RBFOX3: variants seen among roughly 807,000 people sequenced by gnomAD.
The protein encoded by RBFOX3 is RNA binding protein fox-1 homolog 3.
Under a neutral mutation model 48.7 loss-of-function variants are expected in RBFOX3, and 17 were observed. The ratio of observed to expected loss-of-function variants is 0.35; its 90% CI spans 0.24 to 0.52. RBFOX3 has a LOEUF of 0.52. Among genes scored for constraint, RBFOX3 ranks in the 20% least tolerant of loss-of-function variants. The pLI is 0.94. For missense variants in RBFOX3, 382 were observed against 497.5 expected, an observed-to-expected ratio of 0.77 and a Z score of 2.21; for synonymous variants, 212 against 209.5, an observed-to-expected ratio of 1.01 and a Z score of -0.10.
At chr17:79,326,072 G>T (rs1174574516) in intron 2 of RBFOX3, among the ~76,000 whole-genome samples, 1 of 152,216 alleles carries the variant, frequency 6.6e-6, no homozygotes, top group Admixed American at 6.5e-5. Context: ...AAAGGCGCAG[G>T]TTAAGAACTA....
chr17:79,476,074 G>A (rs1412287554), intron 2 of RBFOX3, among the ~76,000 whole-genome samples: 2 of 152,218 alleles, frequency 1.3e-5, no homozygotes, highest in African/African-American at 2.4e-5. Flanking sequence ...CTGTGCTCTG[G>A]GGGCCACTGA....
Position 79,115,671 on chromosome 17 carries a change from C to T in RBFOX3, c.45G>A (p.Gln15=). The T allele has an allele frequency of 1.4e-6, 1 of 698,178 alleles. No homozygotes were observed. 43.2% of individuals were successfully genotyped at this position (698,178 alleles called of 1,614,324 possible). The change falls in exon 5 of 15, where the codon CAG becomes CAA. Residue 15 remains glutamine (Q), a synonymous_variant. Coordinates refer to ENST00000693108, the MANE Select transcript of RBFOX3 (RefSeq NM_001350451.2). The part of the protein sequence containing the change: ...YPPAQYPPPP[Q]NGIPAEYAPP... ...GGGCGTACTCGGCAGGGATGCCGTT[C>T]TGTGGCGGAGGGGGGTACTGGGCGG...
At chr17:79,521,521 C>T (rs917442593) in intron 1 of RBFOX3, among the ~76,000 whole-genome samples, 12 of 151,846 alleles carry the variant, frequency 7.9e-5, no homozygotes, top group African/African-American at 1.2e-4. Context: ...CAGACACATA[C>T]GGATACATTG....
At chr17:79,178,130 G>A (rs897641377) in intron 4 of RBFOX3, among the ~76,000 whole-genome samples, 9 of 152,100 alleles carry the variant, frequency 5.9e-5, no homozygotes, top group African/African-American at 1.9e-4. Context: ...CTCCTTCCCC[G>A]CCGCCACGTC....
rs112789713 is a variant in RBFOX3, at chr17:79,357,802, GT to G, written c.-174-49979del. Among the ~76,000 whole-genome samples the G allele has an allele frequency of 5.9e-3, 872 of 147,566 alleles. 5 individuals are homozygous for G. The highest frequency in any genetic ancestry group is 9.6e-3 in the African/African-American group (385 of 40,158). ...AGAAATATTTTGTTACCTCAAGGGT[GT>G]TTTTTTTTTATTTACTGCTTTCCAA... is the stretch of plus-strand genomic sequence containing the variant. On this transcript the variant is annotated intron_variant, in intron 2 of 14. Coordinates refer to ENST00000693108, the MANE Select transcript of RBFOX3 (RefSeq NM_001350451.2).
At chr17:79,094,392 C>T in intron 14 of RBFOX3, 59 bp downstream of exon 14, 2 of 1,318,496 alleles carry the variant, frequency 1.5e-6, no homozygotes, top group South Asian at 1.4e-5. Flanking sequence ...AAGGGCCTCA[C>T]CACCCATGCC....
chr17:79,633,316 GTCA>G, the RBFOX3 span, among the ~76,000 whole-genome samples: 1 of 152,268 alleles, frequency 6.6e-6, no homozygotes, highest in Admixed American at 6.5e-5. Flanking sequence ...CAGAGCCACT[GTCA>G]GTGCCAGCGG....
intron 2 of RBFOX3, among the ~76,000 whole-genome samples, chr17:79,326,571 G>A (rs2079363486): frequency 1.3e-5 from 2 of 152,196 alleles, no homozygotes; most frequent in Admixed American, 1.3e-4. Flanking sequence ...GGAGGTGCCA[G>A]GTTTCCAGCC....
intron 2 of RBFOX3, among the ~76,000 whole-genome samples, chr17:79,346,379 G>A (rs2082927270): frequency 6.6e-6 from 1 of 152,162 alleles, no homozygotes; most frequent in Non-Finnish European, 1.5e-5. Flanking sequence ...CCTTTTGCCA[G>A]TGATTTGAAA....
intron 1 of RBFOX3, among the ~76,000 whole-genome samples, chr17:79,555,491 C>T (rs1358921428): frequency 1.6e-4 from 14 of 88,304 alleles, no homozygotes; most frequent in Middle Eastern, 7.7e-3. Flanking sequence ...GTGGTGATGA[C>T]AGTGGTGGTG....
In RBFOX3 at chr17:79,097,811, C is replaced by G. The variant is rs940574755; in HGVS notation, c.569-66G>C. ...ACCCTTTTCCCACCAAAACGTATGC[C>G]TGGGAACCCCAGCGACACCGGTGGA... On this transcript the variant is annotated intron_variant, in intron 9 of 14. Transcript: ENST00000693108. 1.4e-5 allele frequency: 21 copies of G among 1,497,842 alleles called. No homozygotes were observed. In the African/African-American group the frequency reaches 2.6e-4, roughly 19 times the overall value. The allele number at this position is 1,497,842 out of a possible 1,614,324, so 92.8% of individuals were successfully genotyped here. A position where few individuals can be genotyped will look rare whatever the true frequency, so the allele number is the denominator to read the frequency against.
chr17:79,367,557 G>C (rs1317431735), intron 2 of RBFOX3, among the ~76,000 whole-genome samples: 1 of 152,148 alleles, frequency 6.6e-6, no homozygotes, highest in Non-Finnish European at 1.5e-5. Context: ...CACACAGTAA[G>C]AAGAGTCCGC....
chr17:79,143,523 C>T (rs142697170), intron 4 of RBFOX3, among the ~76,000 whole-genome samples: 245 of 152,316 alleles, frequency 1.6e-3, no homozygotes, highest in African/African-American at 5.7e-3. Flanking sequence ...CTCCCAGGCT[C>T]GCCACTACCC....
At position 79,363,613 on chromosome 17, in the gene RBFOX3, AG is replaced by A. The variant is rs556114989; in HGVS notation, c.-174-55790del. On this transcript the variant is annotated intron_variant, in intron 2 of 14. Coordinates refer to ENST00000693108, the MANE Select transcript of RBFOX3 (RefSeq NM_001350451.2). This position sits in a 1 kb window ranked among gnomAD's most constrained non-coding sequence, Gnocchi z 4.7. ...TCCGCGAGCAACATACCTCTTACCC[AG>A]GGGCCCAATCGAAGATCTAGGGCCT... is the stretch of plus-strand genomic sequence containing the variant. 2.0e-5 allele frequency among the ~76,000 whole-genome samples: 3 copies of A among 152,020 alleles called. No homozygotes were observed. The highest frequency in any genetic ancestry group is 2.0e-4 in the Admixed American group (3 of 15,276).
intron 4 of RBFOX3, among the ~76,000 whole-genome samples, chr17:79,125,030 G>C (rs2036819312): frequency 6.6e-6 from 1 of 152,204 alleles, no homozygotes. Context: ...CCAGTTCTGG[G>C]GTCCTGTGCT....
rs2040055025 is a variant in RBFOX3 at position 79,135,812 on chromosome 17, C to T, written c.-33-20064G>A. On this transcript the variant is annotated intron_variant, in intron 4 of 14. Transcript: ENST00000693108. ...GCAGCCAAGGACTCAGAGATAGATG[C>T]TTCAGGCTGGGGGACACACGAGGTC... Among the ~76,000 whole-genome samples the T allele has an allele frequency of 2.0e-5, 3 of 152,212 alleles. No homozygotes were observed. In the South Asian group the frequency reaches 6.2e-4, roughly 32 times the overall value.
intron 4 of RBFOX3, among the ~76,000 whole-genome samples, chr17:79,227,250 G>A (rs1038504105): frequency 6.6e-6 from 1 of 152,238 alleles, no homozygotes; most frequent in Admixed American, 6.5e-5. Flanking sequence ...TAAGTCCTGA[G>A]AGGTCCAGCG....
intron 1 of RBFOX3, among the ~76,000 whole-genome samples, chr17:79,569,084 G>GA (rs1282902133): frequency 0.074 from 10,119 of 136,908 alleles, 607 homozygotes; most frequent in East Asian, 0.22. Flanking sequence ...TCTATAGCAA[G>GA]AAAAAAAAAA....
At chr17:79,153,541 C>T (rs1419992832) in intron 4 of RBFOX3, among the ~76,000 whole-genome samples, 1 of 152,142 alleles carries the variant, frequency 6.6e-6, no homozygotes, top group Admixed American at 6.5e-5. Context: ...GCCAGGCTTC[C>T]CGTTTATCAG....
Sources: gnomAD v4.1 joint callset for allele counts (sites outside exome capture counted in the v4.1 genomes callset) on GRCh38, gnomAD v4.1.1 for gene constraint, Gnocchi (gnomAD v3.1) non-coding constraint, MANE v1.5 for transcripts, NCBI Gene and HGNC (gene_info 2026-07-23, HGNC 2026-07-21) for gene names.